The following C12orf42 variants were observed in gnomAD, a reference collection of about 807,000 sequenced individuals.
C12orf42 encodes the protein uncharacterized protein C12orf42.
A neutral mutation model predicts 21.6 loss-of-function variants in C12orf42; 25 were observed. The observed-to-expected ratio is 1.16, with a 90% CI of 0.84 to 1.62. The LOEUF (loss-of-function observed/expected upper bound fraction) is 1.62, where lower values mean the gene tolerates loss of function less well. C12orf42 is among the 40% of genes most tolerant of loss of function. C12orf42 has a pLI of 0.00. For missense variants in C12orf42, 483 were observed against 459.3 expected (o/e 1.05, Z -0.47); for synonymous variants, 174 against 175.0 (o/e 0.99, Z 0.05).
intron 2 of C12orf42, among the ~76,000 whole-genome samples, chr12:103,455,525 G>A (rs1379242105): frequency 5.3e-5 from 8 of 151,994 alleles, no homozygotes; most frequent in Admixed American, 2.6e-4. Flanking sequence ...TATGCATCCT[G>A]GTTTGACATC....
the C12orf42 span, among the ~76,000 whole-genome samples, chr12:103,053,488 T>C: frequency 6.6e-6 from 1 of 152,118 alleles, no homozygotes; most frequent in Non-Finnish European, 1.5e-5. Flanking sequence ...CTTCACATAT[T>C]CTAGATACTA....
the C12orf42 span, among the ~76,000 whole-genome samples, chr12:103,144,828 T>C: frequency 6.6e-6 from 1 of 152,254 alleles, no homozygotes; most frequent in Non-Finnish European, 1.5e-5. Flanking sequence ...GTATAGATAC[T>C]GCTTGGGATG....
At chr12:103,226,701 G>A in the C12orf42 span, among the ~76,000 whole-genome samples, 1 of 152,168 alleles carries the variant, frequency 6.6e-6, no homozygotes. Context: ...GGCTGAGGAA[G>A]AATTGGGACC....
chr12:103,219,356 A>T, the C12orf42 span, among the ~76,000 whole-genome samples: 1 of 152,226 alleles, frequency 6.6e-6, no homozygotes, highest in Non-Finnish European at 1.5e-5. Flanking sequence ...ATGGGCAAAG[A>T]CTTCATGAGT....
At chr12:103,112,925 C>G in the C12orf42 span, among the ~76,000 whole-genome samples, 1 of 152,192 alleles carries the variant, frequency 6.6e-6, no homozygotes, top group Non-Finnish European at 1.5e-5. Context: ...ATCACCTCAC[C>G]GTTTACTGGT....
the C12orf42 span, among the ~76,000 whole-genome samples, chr12:103,511,469 G>A: frequency 2.6e-5 from 4 of 151,856 alleles, no homozygotes; most frequent in African/African-American, 9.7e-5. Context: ...ATATGAAATT[G>A]AGGTATAAAA....
the C12orf42 span, among the ~76,000 whole-genome samples, chr12:103,542,901 A>G: frequency 6.6e-6 from 1 of 152,254 alleles, no homozygotes; most frequent in African/African-American, 2.4e-5. Flanking sequence ...GACACTGAGA[A>G]GACACAGATG....
intron 3 of C12orf42, among the ~76,000 whole-genome samples, chr12:103,373,530 CA>C: frequency 6.6e-6 from 1 of 152,114 alleles, no homozygotes. Context: ...CCAATGAAGG[CA>C]TATTTTCTTT....
chr12:103,156,420 G>T, the C12orf42 span, among the ~76,000 whole-genome samples: 1 of 152,116 alleles, frequency 6.6e-6, no homozygotes, highest in Non-Finnish European at 1.5e-5. Context: ...CAGATTGCAT[G>T]AGTGGGTTCT....
At chr12:103,320,993 T>C (rs1161105054) in intron 4 of C12orf42, among the ~76,000 whole-genome samples, 1 of 152,226 alleles carries the variant, frequency 6.6e-6, no homozygotes, top group Non-Finnish European at 1.5e-5. Flanking sequence ...TCTGTGAGTG[T>C]TCTATAGTTG....
chr12:103,103,804 C>CTT, the C12orf42 span, among the ~76,000 whole-genome samples: 50 of 143,036 alleles, frequency 3.5e-4, no homozygotes, highest in African/African-American at 5.6e-4. Flanking sequence ...TAATAGCTCA[C>CTT]TTTTTTTTTT....
the C12orf42 span, chr12:103,559,198 C>G: frequency 6.6e-6 from 1 of 152,204 alleles, no homozygotes; most frequent in South Asian, 2.1e-4. Flanking sequence ...GTCTGAGTAG[C>G]CAACATCAAT....
downstream of C12orf42, among the ~76,000 whole-genome samples, chr12:103,234,008 T>C (rs528415895): frequency 6.6e-6 from 1 of 152,282 alleles, no homozygotes; most frequent in African/African-American, 2.4e-5. Context: ...ACTGAGAGTT[T>C]TTATGATGAA....
At chr12:103,175,764 T>C in the C12orf42 span, among the ~76,000 whole-genome samples, 1 of 152,200 alleles carries the variant, frequency 6.6e-6, no homozygotes, top group Non-Finnish European at 1.5e-5. Context: ...GACTCTGCCC[T>C]GGAATATTTT....
chr12:103,269,416 C>T (rs1209482510), intron 6 of C12orf42, among the ~76,000 whole-genome samples: 1 of 152,122 alleles, frequency 6.6e-6, no homozygotes, highest in Non-Finnish European at 1.5e-5. Context: ...TATTGTGTTT[C>T]ATCCCCTAAA....
chr12:103,079,606 T>C, the C12orf42 span, among the ~76,000 whole-genome samples: 1 of 152,212 alleles, frequency 6.6e-6, no homozygotes, highest in Non-Finnish European at 1.5e-5. Context: ...ATAGGTATGT[T>C]AAACTGCAGT....
the C12orf42 span, among the ~76,000 whole-genome samples, chr12:103,063,246 A>G: frequency 6.6e-6 from 1 of 152,180 alleles, no homozygotes; most frequent in African/African-American, 2.4e-5. Context: ...ATCTGCTAAT[A>G]TTGCCCTTAG....
At chr12:103,216,921 T>C in the C12orf42 span, among the ~76,000 whole-genome samples, 40 of 152,052 alleles carry the variant, frequency 2.6e-4, no homozygotes, top group Admixed American at 5.9e-4. Flanking sequence ...TGGCTCACTG[T>C]AACCTCTGCC....
chr12:103,120,919 A>G, the C12orf42 span, among the ~76,000 whole-genome samples: 1 of 152,072 alleles, frequency 6.6e-6, no homozygotes, highest in Non-Finnish European at 1.5e-5. Context: ...GTTTCTAAGT[A>G]TAAGTAATTT....
Sources: allele counts gnomAD v4.1 joint callset (sites outside exome capture counted in the v4.1 genomes callset), GRCh38; gene constraint gnomAD v4.1.1; transcripts MANE v1.5; gene names NCBI Gene and HGNC (gene_info 2026-07-23, HGNC 2026-07-21).